The following DUSP22 variants were observed in gnomAD, a reference collection of about 807,000 sequenced individuals.
The protein encoded by DUSP22 is dual specificity protein phosphatase 22.
A neutral mutation model predicts 24.5 loss-of-function variants in DUSP22; 24 were observed. That is an observed-to-expected ratio of 0.98 (90% confidence interval 0.71 to 1.38). DUSP22 has a LOEUF of 1.38. DUSP22 is among the 40% of genes most tolerant of loss of function. DUSP22 has a pLI of 0.00. For missense variants in DUSP22, 330 were observed against 269.2 expected, an observed-to-expected ratio of 1.23 and a Z score of -1.58; for synonymous variants, 160 against 106.4, an observed-to-expected ratio of 1.50 and a Z score of -3.10.
Position 292,572 on chromosome 6 carries a change from C to T in DUSP22, c.21+12C>T, listed in dbSNP as rs1175538808. The T allele has an allele frequency of 4.4e-6, 7 of 1,596,540 alleles. No homozygotes were observed. The East Asian group carries it at 7.0e-5, about 16-fold the overall frequency. ...ATGGGATGAACAAGGTAACGTCTTC[C>T]CTCGTTCGCGCTGGGTTTGCCTCCG... On this transcript the variant is annotated intron_variant, in intron 1 of 6. Transcript: ENST00000419235.
In DUSP22 at chr6:349,445, T is replaced by C; in HGVS notation, c.*494T>C. On this transcript the variant is annotated 3_prime_UTR_variant, in exon 7 of 7. Coordinates refer to ENST00000419235, the MANE Select transcript of DUSP22 (RefSeq NM_001286555.3). ...GTCCAAGACTCCACATGGAAGGCAT[T>C]TGAGCTCGACCTCCGAAAAGCTACC... 9.9e-7 allele frequency: 1 copy of C among 1,006,834 alleles called. No homozygotes were observed. The allele number at this position is 1,006,834 out of a possible 1,614,324, so 62.4% of individuals were successfully genotyped here.
Position 350,508 on chromosome 6 carries a change from G to C in DUSP22, c.*1557G>C. Reference sequence around the variant, plus strand: ...GAGCAGTTTTCCTGTGCATATAGAGGGTGTGTCAAAGGTGAGCTTTTTGGG... The same window carrying C: ...GAGCAGTTTTCCTGTGCATATAGAGCGTGTGTCAAAGGTGAGCTTTTTGGG... On this transcript the variant is annotated 3_prime_UTR_variant, in exon 7 of 7. Transcript: ENST00000419235. 1 of 1,290,146 alleles carries C rather than the reference G, an allele frequency of 7.8e-7. No individual in the cohort carries two copies. Among genetic ancestry groups the C allele is most frequent in the Non-Finnish European group, 9.8e-7 (1 of 1,015,240 alleles). 79.9% of individuals were successfully genotyped at this position (1,290,146 alleles called of 1,614,324 possible).
In DUSP22 at chr6:350,594, G is replaced by A. The variant is rs571034102; in HGVS notation, c.*1643G>A. The A allele has an allele frequency of 7.1e-5, 102 of 1,427,152 alleles. No individual in the cohort carries two copies. In the African/African-American group the frequency reaches 7.9e-4, roughly 11 times the overall value. The allele number at this position is 1,427,152 out of a possible 1,614,324, so 88.4% of individuals were successfully genotyped here. On this transcript the variant is annotated 3_prime_UTR_variant, in exon 7 of 7. Coordinates refer to ENST00000419235, the MANE Select transcript of DUSP22 (RefSeq NM_001286555.3). ...GTGCACAGGCCCCGGATGTACACCC[G>A]GAAAGGGGAGTGTGGCTGTAGAATC...
At chr6:318,170 G>A (rs1200044049) in intron 3 of DUSP22, among the ~76,000 whole-genome samples, 2 of 152,306 alleles carry the variant, frequency 1.3e-5, no homozygotes, top group Admixed American at 6.5e-5. Flanking sequence ...TGCAGCTCCT[G>A]TGACTTTCTG....
intron 2 of DUSP22, among the ~76,000 whole-genome samples, chr6:311,162 C>T (rs564815605): frequency 4.6e-5 from 7 of 152,414 alleles, no homozygotes; most frequent in African/African-American, 7.2e-5. Flanking sequence ...CCTGGCTATA[C>T]GATATTGAAC....
chr6:329,573 C>T (rs1451803307), intron 3 of DUSP22, among the ~76,000 whole-genome samples: 2 of 152,304 alleles, frequency 1.3e-5, no homozygotes, highest in Non-Finnish European at 2.9e-5. Flanking sequence ...CTGCCTCAGC[C>T]TCCTGAGTAG....
At chr6:309,988 T>C (rs1326667174) in intron 2 of DUSP22, among the ~76,000 whole-genome samples, 1 of 152,302 alleles carries the variant, frequency 6.6e-6, no homozygotes, top group Non-Finnish European at 1.5e-5. Context: ...TGAGATAGAC[T>C]CTCACTCTGT....
intron 3 of DUSP22, among the ~76,000 whole-genome samples, chr6:333,245 G>C (rs908191558): frequency 6.6e-6 from 1 of 152,308 alleles, no homozygotes; most frequent in African/African-American, 2.4e-5. Context: ...AGAAGCTGCT[G>C]CCTCACTTTC....
Position 348,090 on chromosome 6 carries a change from C to G in DUSP22, c.264-13C>G. The G allele has an allele frequency of 6.2e-7, 1 of 1,613,848 alleles. No individual in the cohort carries two copies. The highest frequency in any genetic ancestry group is 8.5e-7 in the Non-Finnish European group (1 of 1,179,770). ...AAACTGCCCTCACACATGTGCTTCT[C>G]TTGGCCCCGCAGCCTGGCCGGGGTC... On this transcript the variant is annotated splice_polypyrimidine_tract_variant and intron_variant, in intron 5 of 6. Transcript: ENST00000419235.
chr6:327,472 C>G (rs920336216), intron 3 of DUSP22, among the ~76,000 whole-genome samples: 1 of 152,304 alleles, frequency 6.6e-6, no homozygotes, highest in South Asian at 2.1e-4. Context: ...GCATGTCCCT[C>G]CTCATGCATT....
chr6:311,772 A>T (rs1758112110), intron 2 of DUSP22, 108 bp from the exon 3 acceptor site: 1 of 1,238,828 alleles, frequency 8.1e-7, no homozygotes, highest in Admixed American at 2.8e-5. Context: ...AGTTTCAGGA[A>T]AGAAATATGC....
chr6:307,214 G>C (rs1581151262), intron 2 of DUSP22, among the ~76,000 whole-genome samples: 1 of 152,422 alleles, frequency 6.6e-6, no homozygotes, highest in East Asian at 1.9e-4. Flanking sequence ...TGTAACACAA[G>C]AACCAGTAGA....
intron 1 of DUSP22, among the ~76,000 whole-genome samples, chr6:293,676 A>T (rs1757196665): frequency 6.6e-6 from 1 of 152,238 alleles, no homozygotes; most frequent in African/African-American, 2.4e-5. Flanking sequence ...AACCTAGCTA[A>T]CTTTTCACGT....
At chr6:328,457 T>C (rs1363770742) in intron 3 of DUSP22, among the ~76,000 whole-genome samples, 1 of 152,308 alleles carries the variant, frequency 6.6e-6, no homozygotes, top group Non-Finnish European at 1.5e-5. Context: ...ATCTGACAAG[T>C]CAAATGCATG....
intron 3 of DUSP22, among the ~76,000 whole-genome samples, chr6:323,240 A>ATGTGTG (rs5873739): frequency 6.1e-3 from 923 of 151,464 alleles, no homozygotes; most frequent in African/African-American, 0.015. Flanking sequence ...GCGTGTGTGC[A>ATGTGTG]TGTGTGTGTG....
At chr6:317,052 T>A (rs1758367097) in intron 3 of DUSP22, among the ~76,000 whole-genome samples, 1 of 152,310 alleles carries the variant, frequency 6.6e-6, no homozygotes, top group Non-Finnish European at 1.5e-5. Context: ...ATATTTCTTT[T>A]AACATTGAAG....
At chr6:319,476 T>C (rs1758490397) in intron 3 of DUSP22, among the ~76,000 whole-genome samples, 1 of 152,308 alleles carries the variant, frequency 6.6e-6, no homozygotes. Flanking sequence ...CCAAGACATG[T>C]ATTTACTGGT....
chr6:332,644 C>CTTTT lies in DUSP22; in HGVS notation c.139-2458_139-2455dup, dbSNP rs3053546. On this transcript the variant is annotated intron_variant, in intron 3 of 6. Coordinates refer to ENST00000419235, the MANE Select transcript of DUSP22 (RefSeq NM_001286555.3). ...CTCTGTCCATTCTCTTCCTGTCCTT[C>CTTTT]TTTTTTTTTTTTTTTCTTTCCTCTT... Among the ~76,000 whole-genome samples the CTTTT allele has an allele frequency of 7.5e-3, 1,107 of 147,978 alleles. 1 individual carries two copies. Among genetic ancestry groups the CTTTT allele is most frequent in the African/African-American group, 0.012 (479 of 40,362 alleles).
chr6:297,672 T>C (rs1345310890), intron 1 of DUSP22, among the ~76,000 whole-genome samples: 1 of 152,308 alleles, frequency 6.6e-6, no homozygotes, highest in African/African-American at 2.4e-5. Context: ...TCATCCCCAG[T>C]TGAGAACCAC....
Sources: gnomAD v4.1 joint callset for allele counts (sites outside exome capture counted in the v4.1 genomes callset) on GRCh38, gnomAD v4.1.1 for gene constraint, MANE v1.5 for transcripts, NCBI Gene and HGNC (gene_info 2026-07-23, HGNC 2026-07-21) for gene names.